IL5: variants seen among roughly 807,000 people sequenced by gnomAD.
The protein encoded by IL5 is interleukin-5.
In IL5, 12 loss-of-function variants were observed where a neutral mutation model predicts 16.3. The ratio of observed to expected loss-of-function variants is 0.74; its 90% CI spans 0.47 to 1.20. The LOEUF is 1.20. IL5 is among the 50% of genes most tolerant of loss of function. The pLI is 0.00. For synonymous variants in IL5, 54 were observed against 56.6 expected (o/e 0.95, Z 0.21); for missense variants, 159 against 153.9 (o/e 1.03, Z -0.17).
chr5:132,552,854 C>A (rs1429038510), intron 1 of IL5, among the ~76,000 whole-genome samples: 11 of 152,172 alleles, frequency 7.2e-5, no homozygotes, highest in Non-Finnish European at 1.3e-4. Context: ...CCTGCCTCAG[C>A]CTCCTGAGTA....
At chr5:132,547,290 G>A (rs1009091727), upstream of IL5, among the ~76,000 whole-genome samples, 2 of 152,132 alleles carry the variant, frequency 1.3e-5, no homozygotes, top group Non-Finnish European at 2.9e-5. Flanking sequence ...AGTCAATGGT[G>A]GCAGTGAAAC....
exon 1 of IL5, chr5:132,556,715 T>C: frequency 8.0e-7 from 1 of 1,248,526 alleles, no homozygotes. Context: ...ACTACCCCCA[T>C]TCCAGGAGTC....
intron 1 of IL5, among the ~76,000 whole-genome samples, chr5:132,554,706 G>T (rs1013711600): frequency 2.6e-5 from 4 of 152,128 alleles, no homozygotes; most frequent in Admixed American, 2.0e-4. Flanking sequence ...ATACCCAAAA[G>T]AATTGAAAGC....
upstream of IL5, among the ~76,000 whole-genome samples, chr5:132,547,094 C>G (rs1258019293): frequency 6.6e-6 from 1 of 152,080 alleles, no homozygotes; most frequent in East Asian, 1.9e-4. Flanking sequence ...CTCCTGTGCC[C>G]AAGAATTCAA....
chr5:132,551,106 A>T (rs1426646384), intron 1 of IL5, among the ~76,000 whole-genome samples: 3 of 152,250 alleles, frequency 2.0e-5, no homozygotes, highest in Non-Finnish European at 4.4e-5. Context: ...AAATCAGTAG[A>T]GTAAAACAAG....
At chr5:132,545,969 CA>C (rs898972748), upstream of IL5, among the ~76,000 whole-genome samples, 1 of 151,874 alleles carries the variant, frequency 6.6e-6, no homozygotes, top group Admixed American at 6.6e-5. Context: ...ACAACAACAA[CA>C]AAAAAGGAAG....
At chr5:132,556,658 T>C in intron 1 of IL5, 3 of 1,222,262 alleles carry the variant, frequency 2.5e-6, no homozygotes, top group Non-Finnish European at 2.1e-6. Flanking sequence ...GGAAAATAGT[T>C]TTGACACGAA....
intron 1 of IL5, among the ~76,000 whole-genome samples, chr5:132,553,653 GTGGCCGGGCACGC>G (rs1450165208): frequency 6.6e-6 from 1 of 152,116 alleles, no homozygotes; most frequent in Non-Finnish European, 1.5e-5. Flanking sequence ...GGTCTTGGTG[GTGGCCGGGCACGC>G]TGGCTCACGC....
At chr5:132,545,624 AG>A (rs1398870839), upstream of IL5, among the ~76,000 whole-genome samples, 1 of 152,202 alleles carries the variant, frequency 6.6e-6, no homozygotes, top group Non-Finnish European at 1.5e-5. Context: ...AATACATCAA[AG>A]CTGGTGGGGG....
At chr5:132,549,551 T>A (rs1325005139) in intron 1 of IL5, among the ~76,000 whole-genome samples, 2 of 152,258 alleles carry the variant, frequency 1.3e-5, no homozygotes, top group Non-Finnish European at 2.9e-5. Flanking sequence ...GTACTTTGAT[T>A]TTTAAATAAT....
At chr5:132,548,231 A>G (rs944631846), upstream of IL5, among the ~76,000 whole-genome samples, 8 of 146,010 alleles carry the variant, frequency 5.5e-5, no homozygotes, top group Non-Finnish European at 1.2e-4. Flanking sequence ...CCCTGTCTCA[A>G]AAAAAAAAAA....
intron 1 of IL5, among the ~76,000 whole-genome samples, chr5:132,554,193 C>A (rs1749933425): frequency 6.6e-6 from 1 of 151,784 alleles, no homozygotes; most frequent in South Asian, 2.1e-4. Context: ...TGGTGAAACC[C>A]CGTCTCTACT....
At chr5:132,543,887 C>T (rs1182774910), upstream of IL5, 2 of 156,762 alleles carry the variant, frequency 1.3e-5, no homozygotes, top group East Asian at 1.9e-4. Flanking sequence ...TTTTTCAGAT[C>T]GGCTATGTTC....
intron 1 of IL5, among the ~76,000 whole-genome samples, chr5:132,548,720 C>T (rs970062705): frequency 2.6e-5 from 4 of 152,184 alleles, no homozygotes; most frequent in African/African-American, 9.7e-5. Flanking sequence ...GATTGGTGCT[C>T]ACCTTGTACC....
At chr5:132,548,740 C>T (rs187650303) in intron 1 of IL5, among the ~76,000 whole-genome samples, 36 of 152,200 alleles carry the variant, frequency 2.4e-4, no homozygotes, top group East Asian at 1.4e-3. Flanking sequence ...CTTGAGCTAC[C>T]GGGATAAACT....
upstream of IL5, among the ~76,000 whole-genome samples, chr5:132,545,110 T>C (rs1749763060): frequency 6.6e-6 from 1 of 151,830 alleles, no homozygotes; most frequent in South Asian, 2.1e-4. Context: ...CTATCGGGAG[T>C]GAGATTTTCG....
At chr5:132,548,229 C>CAAA (rs112997896), upstream of IL5, among the ~76,000 whole-genome samples, 1 of 96,604 alleles carries the variant, frequency 1.0e-5, no homozygotes, top group East Asian at 2.9e-4. Flanking sequence ...GACCCTGTCT[C>CAAA]AAAAAAAAAA....
upstream of IL5, among the ~76,000 whole-genome samples, chr5:132,547,630 T>C (rs1193733668): frequency 1.3e-5 from 2 of 152,220 alleles, no homozygotes. Context: ...TTTAGTAATG[T>C]ACCAATATTA....
chr5:132,543,641 C>T (rs1428937982), upstream of IL5: 37 of 484,084 alleles, frequency 7.6e-5, no homozygotes, highest in Admixed American at 2.0e-4. Context: ...GTTTCCAATG[C>T]CTTATATCTT....
Sources: allele counts gnomAD v4.1 joint callset (sites outside exome capture counted in the v4.1 genomes callset), GRCh38; gene constraint gnomAD v4.1.1; transcripts MANE v1.5; gene names NCBI Gene and HGNC (gene_info 2026-07-23, HGNC 2026-07-21).